Variants in IGSF11 observed in about 807,000 individuals in gnomAD.
The protein encoded by IGSF11 is immunoglobulin superfamily member 11, also known as CXADR like 1.
In IGSF11, 22 loss-of-function variants were observed where a neutral mutation model predicts 41.0. The ratio of observed to expected loss-of-function variants is 0.54; its 90% CI spans 0.38 to 0.77. The LOEUF (loss-of-function observed/expected upper bound fraction) is 0.77, where lower values mean the gene tolerates loss of function less well. Ranked by LOEUF, IGSF11 falls within the 30% of genes least tolerant of loss-of-function variation. The pLI, the probability that IGSF11 is intolerant of heterozygous loss-of-function variation, is 0.00. For missense variants in IGSF11, 444 were observed against 530.8 expected (o/e 0.84, Z 1.61); for synonymous variants, 219 against 201.3 (o/e 1.09, Z -0.74).
At chr3:119,009,780 CTTTA>C (rs951850725) in intron 1 of IGSF11, among the ~76,000 whole-genome samples, 1 of 152,084 alleles carries the variant, frequency 6.6e-6, no homozygotes, top group Admixed American at 6.6e-5. Context: ...AGGCTTTTTG[CTTTA>C]TTTATTCCTG....
intron 1 of IGSF11, among the ~76,000 whole-genome samples, chr3:118,960,379 G>A (rs762128729): frequency 5.4e-4 from 82 of 152,064 alleles, no homozygotes; most frequent in Non-Finnish European, 1.1e-3. Flanking sequence ...TTTTCTAACT[G>A]CTTTTGAAAA....
chr3:119,113,665 C>T (rs1227496568), intron 1 of IGSF11, among the ~76,000 whole-genome samples: 1 of 152,214 alleles, frequency 6.6e-6, no homozygotes, highest in Admixed American at 6.5e-5. Context: ...ATGGTGCAAG[C>T]TGTCGATGGA....
intron 1 of IGSF11, among the ~76,000 whole-genome samples, chr3:119,070,761 G>A (rs1355940451): frequency 6.6e-6 from 1 of 152,142 alleles, no homozygotes; most frequent in Non-Finnish European, 1.5e-5. Flanking sequence ...TGATCAGGAT[G>A]CTGTGCCATT....
chr3:119,015,008 AT>A (rs1359068475), intron 1 of IGSF11, among the ~76,000 whole-genome samples: 1 of 141,716 alleles, frequency 7.1e-6, no homozygotes, highest in African/African-American at 3.0e-5. Flanking sequence ...ACTTGGAAGT[AT>A]TTTTAAAATA....
chr3:119,090,471 T>C (rs1173882503), intron 1 of IGSF11, among the ~76,000 whole-genome samples: 1 of 152,198 alleles, frequency 6.6e-6, no homozygotes, highest in Non-Finnish European at 1.5e-5. Context: ...TCACACTACC[T>C]GACTTCAAAC....
At chr3:118,904,046 G>A (rs1576313768) in intron 6 of IGSF11, among the ~76,000 whole-genome samples, 2 of 152,178 alleles carry the variant, frequency 1.3e-5, no homozygotes, top group Non-Finnish European at 2.9e-5. Flanking sequence ...CTGTAAGGCT[G>A]TGGTATGTCT....
chr3:119,065,875 CAAGAATTTCACAAATTCTTAG>C (rs1325401969), intron 1 of IGSF11, among the ~76,000 whole-genome samples: 2 of 149,402 alleles, frequency 1.3e-5, no homozygotes, highest in African/African-American at 4.9e-5. Flanking sequence ...ATTTGTTTCA[CAAGAATTTCACAAATTCTTAG>C]AAGAATTTAC....
At chr3:118,989,160 C>T (rs1935538454) in intron 1 of IGSF11, among the ~76,000 whole-genome samples, 1 of 152,172 alleles carries the variant, frequency 6.6e-6, no homozygotes, top group Non-Finnish European at 1.5e-5. Context: ...CAATCAGACA[C>T]AACCCTTGTC....
chr3:118,974,580 T>C (rs750997966), intron 1 of IGSF11, among the ~76,000 whole-genome samples: 1 of 152,220 alleles, frequency 6.6e-6, no homozygotes, highest in Non-Finnish European at 1.5e-5. Flanking sequence ...TTTAGCACAT[T>C]TGTGGTTGCA....
At chr3:118,926,450 T>C (rs114774726) in intron 3 of IGSF11, among the ~76,000 whole-genome samples, 194 bp from the exon 4 acceptor site, 5,643 of 152,254 alleles carry the variant, frequency 0.037, 187 homozygotes, top group Non-Finnish European at 0.049. Flanking sequence ...GGAGCAGGCC[T>C]GCAGCTTTGG....
At chr3:119,142,271 T>C (rs2077659112) in intron 1 of IGSF11, among the ~76,000 whole-genome samples, 2 of 50,254 alleles carry the variant, frequency 4.0e-5, no homozygotes, top group African/African-American at 1.2e-4. Context: ...CAAGACTCCA[T>C]CTCAAAAAAA....
chr3:118,914,444 G>C (rs1473592898), intron 4 of IGSF11, among the ~76,000 whole-genome samples: 1 of 151,516 alleles, frequency 6.6e-6, no homozygotes, highest in Non-Finnish European at 1.5e-5. Flanking sequence ...CCTCACCTGG[G>C]AAGCGCAAGG....
At chr3:119,129,691 A>C (rs1364944566) in intron 1 of IGSF11, among the ~76,000 whole-genome samples, 1 of 152,198 alleles carries the variant, frequency 6.6e-6, no homozygotes, top group African/African-American at 2.4e-5. Flanking sequence ...GGATACACAA[A>C]AAATAAAAAG....
chr3:118,934,993 C>T (rs1414760346), intron 1 of IGSF11, among the ~76,000 whole-genome samples: 1 of 152,000 alleles, frequency 6.6e-6, no homozygotes, highest in Non-Finnish European at 1.5e-5. Context: ...TCATCATTTA[C>T]AATAGCTCAA....
intron 1 of IGSF11, among the ~76,000 whole-genome samples, chr3:119,004,056 A>G (rs576454079): frequency 6.6e-6 from 1 of 151,822 alleles, no homozygotes; most frequent in Admixed American, 6.6e-5. Context: ...TCCTCCTTGT[A>G]CCTCTGGTAG....
chr3:119,061,864 G>A (rs537318301), intron 1 of IGSF11, among the ~76,000 whole-genome samples: 1 of 151,680 alleles, frequency 6.6e-6, no homozygotes, highest in Admixed American at 6.6e-5. Context: ...ATTTGGGCAT[G>A]TCTATAGTGT....
intron 1 of IGSF11, among the ~76,000 whole-genome samples, 178 bp from the exon 2 acceptor site, chr3:118,930,453 C>T (rs1942758585): frequency 6.6e-6 from 1 of 152,178 alleles, no homozygotes; most frequent in South Asian, 2.1e-4. Context: ...AATGGTTCAT[C>T]CCTTTACCTC....
chr3:118,945,298 C>T lies in IGSF11; in HGVS notation c.53-15023G>A, dbSNP rs116757630. Among the ~76,000 whole-genome samples the T allele has an allele frequency of 5.1e-3, 772 of 152,170 alleles. 6 individuals carry two copies. The highest frequency in any genetic ancestry group is 0.017 in the African/African-American group (712 of 41,502). On this transcript the variant is annotated intron_variant, in intron 1 of 6. Transcript: ENST00000393775. The stretch of plus-strand genomic sequence containing the variant: ...TCAAACTTCTCAAGAAAATTGTGGT[C>T]ATACTCTTATTTTGACAGAGACCTA...
intron 1 of IGSF11, among the ~76,000 whole-genome samples, chr3:119,009,916 C>G (rs1480939671): frequency 1.1e-4 from 17 of 152,054 alleles, no homozygotes; most frequent in Admixed American, 1.1e-3. Flanking sequence ...ACCTAGATTA[C>G]AGATTAAACA....
Sources: gnomAD v4.1 joint callset for allele counts (sites outside exome capture counted in the v4.1 genomes callset) on GRCh38, gnomAD v4.1.1 for gene constraint, MANE v1.5 for transcripts, NCBI Gene and HGNC (gene_info 2026-07-23, HGNC 2026-07-21) for gene names.